CRAT: variants seen among roughly 807,000 people sequenced by gnomAD.
The protein encoded by CRAT is carnitine acetylase.
In CRAT, 66 loss-of-function variants were observed where a neutral mutation model predicts 73.7. The ratio of observed to expected loss-of-function variants is 0.90; its 90% CI spans 0.73 to 1.10. CRAT has a LOEUF of 1.10. Ranked by LOEUF, CRAT falls within the 50% of genes least tolerant of loss-of-function variation. The probability of loss-of-function intolerance (pLI) is 0.00; values close to 1 mark genes in which losing one functional copy is unlikely to be tolerated. For missense variants in CRAT, 745 were observed against 846.9 expected, an observed-to-expected ratio of 0.88 and a Z score of 1.49; for synonymous variants, 321 against 343.2, an observed-to-expected ratio of 0.94 and a Z score of 0.71.
chr9:129,104,154 G>T, intron 3 of CRAT, 34 bp downstream of exon 3: 2 of 1,529,112 alleles, frequency 1.3e-6, no homozygotes, highest in Non-Finnish European at 1.8e-6. Flanking sequence ...GAGGGGCCCG[G>T]CTGCCTCCTG....
At position 129,098,539 on chromosome 9, in the gene CRAT, G is replaced by A. The variant is rs563204430; in HGVS notation, c.1197C>T (p.Asn399=). The part of the protein sequence containing the change: ...IKSDIEKAKQ[N]LSIMIQDLDI... ...CGGGGGCAGGCACTTACATGCTGAG[G>A]TTCTGCTTGGCCTTCTCGATGTCGC... is the stretch of plus-strand genomic sequence containing the variant. Residue 399 remains asparagine, a synonymous_variant, in exon 9 of 14, where the codon AAC becomes AAT. Coordinates refer to ENST00000318080, the MANE Select transcript of CRAT (RefSeq NM_000755.5). The A allele has an allele frequency of 5.0e-6, 8 of 1,608,052 alleles. No individual in the cohort carries two copies. In the Admixed American group the frequency reaches 1.2e-4, roughly 24 times the overall value.
rs1848371902 is a variant in CRAT, at chr9:129,110,584, G to C, written c.-75C>G. ...GCAAAGTCCGCGCCGCCGCCGCCGC[G>C]GCTGGGGTCGGTGGGTCCTTGCTAG... On this transcript the variant is annotated 5_prime_UTR_variant, in exon 1 of 14. Transcript: ENST00000318080. This position sits in a 1 kb window ranked among gnomAD's most constrained non-coding sequence, Gnocchi z 5.3. 1 of 1,473,740 alleles carries C rather than the reference G, an allele frequency of 6.8e-7. No homozygotes were observed. The highest frequency in any genetic ancestry group is 1.5e-5 in the African/African-American group (1 of 68,104). 91.3% of individuals were successfully genotyped at this position (1,473,740 alleles called of 1,614,324 possible).
Position 129,107,504 on chromosome 9 carries a change from G to C in CRAT, c.291+310C>G. ...CCCCTGCCTGAGGCTGTCCCACCAA[G>C]CACAAGGGCATCTTCTATCTGGTTG... On this transcript the variant is annotated intron_variant, in intron 2 of 13. Transcript: ENST00000318080. This position sits in a 1 kb window ranked among gnomAD's most constrained non-coding sequence, Gnocchi z 5.0. 1 of 630,122 alleles carries C rather than the reference G, an allele frequency of 1.6e-6. No homozygotes were observed. Among genetic ancestry groups the C allele is most frequent in the South Asian group, 1.8e-5 (1 of 55,358 alleles). The allele number at this position is 630,122 out of a possible 1,614,324, so 39.0% of individuals were successfully genotyped here. A position where few individuals can be genotyped will look rare whatever the true frequency, so the allele number is the denominator to read the frequency against.
At position 129,103,215 on chromosome 9, in the gene CRAT, G is replaced by A. The variant is rs1187698455; in HGVS notation, c.411-149C>T. 8 of 713,178 alleles carry A rather than the reference G, an allele frequency of 1.1e-5. No homozygotes were observed. The highest frequency in any genetic ancestry group is 2.6e-5 in the East Asian group (1 of 38,234). 44.2% of individuals were successfully genotyped at this position (713,178 alleles called of 1,614,324 possible). A position where few individuals can be genotyped will look rare whatever the true frequency, so the allele number is the denominator to read the frequency against. ...CTGGGAGCGCAAGGGAGGGGCCTGC[G>A]AGTCCCAGCTTGCCAGCCTGTGTGT... is the stretch of plus-strand genomic sequence containing the variant. On this transcript the variant is annotated intron_variant, in intron 3 of 13. Coordinates refer to ENST00000318080, the MANE Select transcript of CRAT (RefSeq NM_000755.5). This position sits in a 1 kb window ranked among gnomAD's most constrained non-coding sequence, Gnocchi z 4.6.
chr9:129,110,520 C>A lies in CRAT; in HGVS notation c.-11G>T. ...AGCGAAGGCTAACATCTTCGCTGCCCGTCCGCGGACACGCAGTCCGCTCCG... is the reference window on the plus strand; with the variant it reads ...AGCGAAGGCTAACATCTTCGCTGCCAGTCCGCGGACACGCAGTCCGCTCCG... On this transcript the variant is annotated 5_prime_UTR_variant, in exon 1 of 14. Transcript: ENST00000318080. This position sits in a 1 kb window ranked among gnomAD's most constrained non-coding sequence, Gnocchi z 5.3. 6.3e-7 allele frequency: 1 copy of A among 1,576,450 alleles called. No homozygotes were observed. Among genetic ancestry groups the A allele is most frequent in the East Asian group, 2.5e-5 (1 of 40,706 alleles).
At chr9:129,101,739 C>G (rs1847683699) in intron 6 of CRAT, 144 bp downstream of exon 6, 1 of 1,056,208 alleles carries the variant, frequency 9.5e-7, no homozygotes, top group Non-Finnish European at 1.3e-6. Context: ...GCCCCTGGCT[C>G]CCACCTTCAT....
At chr9:129,109,502 G>C (rs1481288028) in intron 1 of CRAT, among the ~76,000 whole-genome samples, 1 of 152,208 alleles carries the variant, frequency 6.6e-6, no homozygotes, top group East Asian at 1.9e-4. Context: ...CACTGGGATT[G>C]GGCTGGATTT....
In CRAT at chr9:129,098,333, TG is replaced by T. The variant is rs1345302143; in HGVS notation, c.1243del (p.His415ThrfsTer13). 3 of 1,613,878 alleles carry T rather than the reference TG, an allele frequency of 1.9e-6. No homozygotes were observed. The highest frequency in any genetic ancestry group is 2.5e-6 in the Non-Finnish European group (3 of 1,180,014). ...CTTGGGGAAGTCTTTTCCAAAATGGTGGAACACCATCACGGTGATATCCAGG... is the reference window on the plus strand; with the variant it reads ...CTTGGGGAAGTCTTTTCCAAAATGGTGAACACCATCACGGTGATATCCAGG... ...QDLDITVMVF[H>X]HFGKDFPKSE... On this transcript the variant is annotated frameshift_variant, in exon 10 of 14. Coordinates refer to ENST00000318080, the MANE Select transcript of CRAT (RefSeq NM_000755.5). LOFTEE classifies it high-confidence loss of function.
chr9:129,110,547 C>A lies in CRAT; in HGVS notation c.-38G>T. ...TCCGCGGACACGCAGTCCGCTCCGCCCCACACACCGGGCAAAGTCCGCGCC... is the reference window on the plus strand; with the variant it reads ...TCCGCGGACACGCAGTCCGCTCCGCACCACACACCGGGCAAAGTCCGCGCC... On this transcript the variant is annotated 5_prime_UTR_variant, in exon 1 of 14. Coordinates refer to ENST00000318080, the MANE Select transcript of CRAT (RefSeq NM_000755.5). The surrounding 1 kb of genome is among the most constrained non-coding windows in gnomAD (Gnocchi z 5.3). 1 of 1,564,384 alleles carries A rather than the reference C, an allele frequency of 6.4e-7. No homozygotes were observed. Among genetic ancestry groups the A allele is most frequent in the East Asian group, 2.5e-5 (1 of 39,858 alleles).
chr9:129,108,077 C>A lies in CRAT; in HGVS notation c.28G>T (p.Val10Leu). MLAFAARTV[V>L]KPLGFLKPFS... The stretch of plus-strand genomic sequence containing the variant: ...GGCTTCAGGAAGCCCAGAGGCTTCA[C>A]CTGCAGGTAGCAGAACATCCTGTTC... Residue 10 changes from valine to leucine, a missense_variant and splice_region_variant, in exon 2 of 14, where the codon GTG (valine) becomes TTG (leucine). Transcript: ENST00000318080. 1.3e-6 allele frequency: 2 copies of A among 1,511,224 alleles called. No homozygotes were observed. Among genetic ancestry groups the A allele is most frequent in the Non-Finnish European group, 1.8e-6 (2 of 1,137,308 alleles). The allele number at this position is 1,511,224 out of a possible 1,614,324, so 93.6% of individuals were successfully genotyped here.
rs1298368502 is a variant in CRAT at position 129,103,575 on chromosome 9, C to A, written c.411-509G>T. Among the ~76,000 whole-genome samples the A allele has an allele frequency of 6.6e-6, 1 of 152,206 alleles. No individual in the cohort carries two copies. Among genetic ancestry groups the A allele is most frequent in the African/African-American group, 2.4e-5 (1 of 41,448 alleles). On this transcript the variant is annotated intron_variant, in intron 3 of 13. Transcript: ENST00000318080. This position sits in a 1 kb window ranked among gnomAD's most constrained non-coding sequence, Gnocchi z 4.6. ...CAGGCCGCCTTCCTCCCAGGGCTGTCTGGCCCATGGCAACCACCCTCAATG... is the reference window on the plus strand; with the variant it reads ...CAGGCCGCCTTCCTCCCAGGGCTGTATGGCCCATGGCAACCACCCTCAATG...
Position 129,102,409 on chromosome 9 carries a change from G to T in CRAT, c.621C>A (p.His207Gln). 2 of 1,614,166 alleles carry T rather than the reference G, an allele frequency of 1.2e-6. No individual in the cohort carries two copies. Among genetic ancestry groups the T allele is most frequent in the Non-Finnish European group, 1.7e-6 (2 of 1,179,998 alleles). ...KKPPTHITVV[H>Q]NYQFFELDVY... Reference sequence around the variant, plus strand: ...GGTGGGGGCCACCCACCTGGTAGTTGTGTACCACGGTGATGTGCGTGGGAG... The same window carrying T: ...GGTGGGGGCCACCCACCTGGTAGTTTTGTACCACGGTGATGTGCGTGGGAG... The change falls in exon 5 of 14, where the codon CAC becomes CAA. Residue 207 changes from histidine (H) to glutamine (Q), a missense_variant. Physicochemically the swap from His to Gln is conservative, Grantham distance 24. Transcript: ENST00000318080.
At chr9:129,104,668 A>ATG (rs1847891757) in intron 2 of CRAT, among the ~76,000 whole-genome samples, 7 of 148,356 alleles carry the variant, frequency 4.7e-5, no homozygotes, top group East Asian at 4.0e-4. Flanking sequence ...GCAGTGGCGC[A>ATG]ATCTCGGCTC....
At chr9:129,095,694 G>T in intron 13 of CRAT, 82 bp from the exon 14 acceptor site, 1 of 1,389,720 alleles carries the variant, frequency 7.2e-7, no homozygotes, top group Non-Finnish European at 9.9e-7. Context: ...CTTCCGCCAA[G>T]ACTGCAGGCC....
intron 12 of CRAT, 96 bp from the exon 13 acceptor site, chr9:129,096,231 C>A: frequency 6.7e-7 from 1 of 1,499,704 alleles, no homozygotes; most frequent in Non-Finnish European, 9.1e-7. Context: ...TTCGCAGGCA[C>A]TGGCCACTCA....
Position 129,095,996 on chromosome 9 carries a change from A to C in CRAT, c.1665+2T>G. 1 of 1,613,702 alleles carries C rather than the reference A, an allele frequency of 6.2e-7. No individual in the cohort carries two copies. The highest frequency in any genetic ancestry group is 8.5e-7 in the Non-Finnish European group (1 of 1,179,974). ...CCCGGGGCACCTGGGGCAGTGGCCC[A>C]CCTGGCTGGTGGAGAGGTGGAAGTG... On this transcript the variant is annotated splice_donor_variant, in intron 13 of 13. Transcript: ENST00000318080. LOFTEE classifies it high-confidence loss of function.
At position 129,098,377 on chromosome 9, in the gene CRAT, G is replaced by C; in HGVS notation, c.1206-6C>G. 1 of 1,613,446 alleles carries C rather than the reference G, an allele frequency of 6.2e-7. No homozygotes were observed. Among genetic ancestry groups the C allele is most frequent in the Non-Finnish European group, 8.5e-7 (1 of 1,179,776 alleles). On this transcript the variant is annotated splice_polypyrimidine_tract_variant and splice_region_variant and intron_variant, in intron 9 of 13. Transcript: ENST00000318080. ...TATCCAGGTCCTGGATCATGCTGGG[G>C]GTGTGGGAAGAGCAGGTGAGGAGCA...
chr9:129,102,725 G>A (rs1372631236), intron 4 of CRAT, among the ~76,000 whole-genome samples, 160 bp from the exon 5 acceptor site: 1 of 152,106 alleles, frequency 6.6e-6, no homozygotes, highest in Non-Finnish European at 1.5e-5. Context: ...TGGGCAGGGG[G>A]CTCGCTTTCT....
At position 129,107,573 on chromosome 9, in the gene CRAT, A is replaced by T. The variant is rs1848089866; in HGVS notation, c.291+241T>A. ...CTCCTGCCTCTGTCCTGGAACATGA[A>T]ACCTTGTCCACAACCTGTATCCTGT... On this transcript the variant is annotated intron_variant, in intron 2 of 13. Transcript: ENST00000318080. The surrounding 1 kb of genome is among the most constrained non-coding windows in gnomAD (Gnocchi z 5.0). 4.3e-6 allele frequency: 3 copies of T among 693,342 alleles called. No individual in the cohort carries two copies. Among genetic ancestry groups the T allele is most frequent in the Non-Finnish European group, 7.9e-6 (3 of 378,432 alleles). The allele number at this position is 693,342 out of a possible 1,614,324, so 42.9% of individuals were successfully genotyped here.
Sources: gnomAD v4.1 joint callset for allele counts (sites outside exome capture counted in the v4.1 genomes callset) on GRCh38, gnomAD v4.1.1 for gene constraint, Gnocchi (gnomAD v3.1) non-coding constraint, MANE v1.5 for transcripts, NCBI Gene and HGNC (gene_info 2026-07-23, HGNC 2026-07-21) for gene names.